METTL15: variants seen among roughly 807,000 people sequenced by gnomAD.
METTL15 encodes the protein methyltransferase 15, mitochondrial 12S rRNA N4-cytidine.
In METTL15, 34 loss-of-function variants were observed where a neutral mutation model predicts 38.3. That is an observed-to-expected ratio of 0.89 (90% CI 0.68 to 1.18). The LOEUF (loss-of-function observed/expected upper bound fraction) is 1.18, where lower values mean the gene tolerates loss of function less well. Among genes scored for constraint, METTL15 ranks in the 50% most tolerant of loss-of-function variants. The pLI, the probability that METTL15 is intolerant of heterozygous loss-of-function variation, is 0.00. For synonymous variants in METTL15, 162 were observed against 170.9 expected (o/e 0.95, Z 0.41); for missense variants, 438 against 498.4 (o/e 0.88, Z 1.15).
chr11:28,154,911 G>T (rs1184381802), intron 3 of METTL15, among the ~76,000 whole-genome samples: 1 of 152,128 alleles, frequency 6.6e-6, no homozygotes, highest in East Asian at 1.9e-4. Context: ...TTTAGCGTAT[G>T]ACTTAAGTGA....
chr11:28,309,407 A>G (rs371296212), intron 6 of METTL15, among the ~76,000 whole-genome samples: 6 of 152,152 alleles, frequency 3.9e-5, no homozygotes, highest in East Asian at 1.9e-4. Context: ...GTCCTAACCA[A>G]CTTCTACTTC....
At chr11:28,282,509 A>G (rs1327206477) in intron 4 of METTL15, among the ~76,000 whole-genome samples, 2 of 152,174 alleles carry the variant, frequency 1.3e-5, no homozygotes, top group East Asian at 3.8e-4. Flanking sequence ...TTCTGTATGC[A>G]TTCCTTGCAT....
chr11:28,515,842 C>T (rs1421910289), intron 6 of METTL15, among the ~76,000 whole-genome samples: 1 of 152,178 alleles, frequency 6.6e-6, no homozygotes, highest in Non-Finnish European at 1.5e-5. Context: ...TTAATAAAAA[C>T]ACATAGCCAC....
chr11:28,317,088 G>A (rs865985779), intron 6 of METTL15, among the ~76,000 whole-genome samples: 1 of 152,024 alleles, frequency 6.6e-6, no homozygotes, highest in Non-Finnish European at 1.5e-5. Flanking sequence ...AGCAGTTAAT[G>A]TTCCTCATTA....
intron 5 of METTL15, among the ~76,000 whole-genome samples, chr11:28,368,093 A>G (rs1850204432): frequency 6.8e-6 from 1 of 147,428 alleles, no homozygotes; most frequent in Non-Finnish European, 1.5e-5. Flanking sequence ...AAATAGACAA[A>G]TGGGATCTAA....
chr11:28,224,968 A>G (rs568052768), intron 4 of METTL15, among the ~76,000 whole-genome samples: 2 of 151,586 alleles, frequency 1.3e-5, no homozygotes, highest in East Asian at 3.9e-4. Context: ...AATCACTTTT[A>G]TTTTTTTAAT....
intron 6 of METTL15, among the ~76,000 whole-genome samples, chr11:28,434,271 G>T (rs1270013181): frequency 6.6e-6 from 1 of 152,138 alleles, no homozygotes; most frequent in Non-Finnish European, 1.5e-5. Context: ...CTTCCACCAT[G>T]ACTGTAAATT....
chr11:28,326,036 A>G (rs988114628), intron 6 of METTL15, among the ~76,000 whole-genome samples: 3 of 152,208 alleles, frequency 2.0e-5, no homozygotes, highest in Admixed American at 6.5e-5. Flanking sequence ...GTGATTTTCC[A>G]TCTTACCTAC....
At chr11:28,451,412 C>A (rs1190167621) in intron 6 of METTL15, among the ~76,000 whole-genome samples, 1 of 151,668 alleles carries the variant, frequency 6.6e-6, no homozygotes, top group Admixed American at 6.6e-5. Flanking sequence ...GGTGAAACCC[C>A]GTCTCTACTA....
chr11:28,298,618 A>T (rs1025922826), intron 6 of METTL15, among the ~76,000 whole-genome samples: 1 of 152,116 alleles, frequency 6.6e-6, no homozygotes, highest in Non-Finnish European at 1.5e-5. Context: ...GTACAATAGG[A>T]ACAATTTAAG....
chr11:28,410,767 G>A (rs965632655), intron 5 of METTL15: 1 of 151,914 alleles, frequency 6.6e-6, no homozygotes, highest in Non-Finnish European at 1.5e-5. Flanking sequence ...GGAAATACTG[G>A]CAAGAAAAAT....
intron 6 of METTL15, among the ~76,000 whole-genome samples, chr11:28,489,715 C>G (rs923334247): frequency 6.6e-6 from 1 of 151,962 alleles, no homozygotes; most frequent in South Asian, 2.1e-4. Context: ...GGTATGTAAC[C>G]TTGAACATGT....
chr11:28,415,795 T>TA (rs1242928830), intron 5 of METTL15, among the ~76,000 whole-genome samples: 1 of 152,188 alleles, frequency 6.6e-6, no homozygotes, highest in Non-Finnish European at 1.5e-5. Flanking sequence ...GGAGCTGTAG[T>TA]AGCCAGGATT....
At chr11:28,260,428 C>G (rs1258743652) in intron 4 of METTL15, among the ~76,000 whole-genome samples, 1 of 152,144 alleles carries the variant, frequency 6.6e-6, no homozygotes, top group Non-Finnish European at 1.5e-5. Flanking sequence ...CTGGAACTAT[C>G]CTATTTATTT....
chr11:28,118,824 C>G (rs1852085627), intron 3 of METTL15, among the ~76,000 whole-genome samples: 1 of 152,162 alleles, frequency 6.6e-6, no homozygotes, highest in African/African-American at 2.4e-5. Context: ...GAGAACCTAT[C>G]TCACTCCTGG....
intron 3 of METTL15, chr11:28,145,391 A>G (rs1251087964): frequency 6.6e-6 from 1 of 151,824 alleles, no homozygotes; most frequent in Non-Finnish European, 1.5e-5. Flanking sequence ...AAAATTTTTC[A>G]TATGGCATGA....
At chr11:28,475,575 G>T (rs1483829541) in intron 6 of METTL15, among the ~76,000 whole-genome samples, 1 of 152,148 alleles carries the variant, frequency 6.6e-6, no homozygotes, top group East Asian at 1.9e-4. Context: ...TGGTGGTCCA[G>T]ATCTTCTACA....
At chr11:28,288,229 C>G (rs1346168019) in intron 4 of METTL15, among the ~76,000 whole-genome samples, 4 of 152,070 alleles carry the variant, frequency 2.6e-5, no homozygotes, top group Non-Finnish European at 5.9e-5. Flanking sequence ...TGTAAATTAG[C>G]TCAACTGTTG....
chr11:28,471,435 A>G (rs1235139432), intron 6 of METTL15, among the ~76,000 whole-genome samples: 1 of 152,148 alleles, frequency 6.6e-6, no homozygotes, highest in Non-Finnish European at 1.5e-5. Context: ...TCTCAGGAAA[A>G]GTCCAGTTCC....
Sources: allele counts gnomAD v4.1 joint callset (sites outside exome capture counted in the v4.1 genomes callset), GRCh38; gene constraint gnomAD v4.1.1; transcripts MANE v1.5; gene names NCBI Gene and HGNC (gene_info 2026-07-23, HGNC 2026-07-21).